Variants in SBF1 observed in about 807,000 individuals in gnomAD.
SBF1 encodes SET binding factor 1, also known as myotubularin-related protein 5.
SBF1 carries 65 observed loss-of-function variants against 215.8 expected under a neutral mutation model. The ratio of observed to expected loss-of-function variants is 0.30; its 90% CI spans 0.25 to 0.37. The LOEUF is 0.37. Among genes scored for constraint, SBF1 ranks in the 10% least tolerant of loss-of-function variants. The pLI, the probability that SBF1 is intolerant of heterozygous loss-of-function variation, is 1.00. For missense variants in SBF1, 2,634 were observed against 2,667.8 expected (o/e 0.99, Z 0.28); for synonymous variants, 1,410 against 1,122.8 (o/e 1.26, Z -5.11).
intron 36 of SBF1, among the ~76,000 whole-genome samples, chr22:50,452,387 T>C (rs1307054662): frequency 6.6e-6 from 1 of 152,164 alleles, no homozygotes; most frequent in Admixed American, 6.6e-5. Flanking sequence ...GACTTTTTCC[T>C]TCTTTCTTAA....
Position 50,460,289 on chromosome 22 carries a change from T to C in SBF1, c.3266A>G (p.Gln1089Arg), listed in dbSNP as rs2067449286. ...CCCTCCACCTGAGATCTCGTCCTCC[T>C]GGTCCTCAGGGGGCGGCTGGCCCCG... The part of the protein sequence containing the change: ...EHRGQPPPED[Q>R]EDEISVSEEL... Residue 1089 changes from glutamine to arginine, a missense_variant, in exon 25 of 41, where the codon CAG becomes CGG. By Grantham distance (43) the Gln-to-Arg change is conservative. Coordinates refer to ENST00000380817, the MANE Select transcript of SBF1 (RefSeq NM_002972.4). The C allele has an allele frequency of 6.2e-7, 1 of 1,608,480 alleles. No homozygotes were observed. Among genetic ancestry groups the C allele is most frequent in the Non-Finnish European group, 8.5e-7 (1 of 1,176,302 alleles).
intron 31 of SBF1, 78 bp from the exon 32 acceptor site, chr22:50,455,660 A>G (rs921590754): frequency 1.1e-5 from 13 of 1,217,438 alleles, no homozygotes; most frequent in Non-Finnish European, 1.5e-5. Context: ...AGAGACCCGC[A>G]TGTCCACAGG....
Position 50,456,265 on chromosome 22 carries a change from C to G in SBF1, c.4217G>C (p.Ser1406Thr). ...CAGTGAGCGCAGGAAGGAGGCTGGG[C>G]TGGGCTCAGCAGCGGGGCAGCCTGG... ...CVPGCPAAEP[S>T]PASFLRSLED... Residue 1406 changes from serine to threonine, a missense_variant, in exon 31 of 41, where the codon AGC becomes ACC. Transcript: ENST00000380817. 1 of 1,612,706 alleles carries G rather than the reference C, an allele frequency of 6.2e-7. No individual in the cohort carries two copies. Among genetic ancestry groups the G allele is most frequent in the Non-Finnish European group, 8.5e-7 (1 of 1,179,944 alleles).
chr22:50,459,414 A>AGGGAG, intron 27 of SBF1, 22 bp from the exon 28 acceptor site: 1 of 1,611,640 alleles, frequency 6.2e-7, no homozygotes, highest in Non-Finnish European at 8.5e-7. Context: ...CACGGAGCTG[A>AGGGAG]GGGAGGGGAG....
In SBF1 at chr22:50,461,145, G is replaced by A. The variant is rs1279436630; in HGVS notation, c.2967+14C>T. 6.3e-6 allele frequency: 10 copies of A among 1,584,368 alleles called. No individual in the cohort carries two copies. The highest frequency in any genetic ancestry group is 1.8e-5 in the Admixed American group (1 of 56,172). ...GGCGGGGGATGAGAGCCCCACCCGC[G>A]CACCGCGCCCCACCTGGAATGTGCA... On this transcript the variant is annotated intron_variant, in intron 23 of 40. Coordinates refer to ENST00000380817, the MANE Select transcript of SBF1 (RefSeq NM_002972.4).
At chr22:50,454,466 G>A (rs768275477) in intron 36 of SBF1, 46 bp downstream of exon 36, 1 of 1,518,962 alleles carries the variant, frequency 6.6e-7, no homozygotes, top group African/African-American at 1.4e-5. Context: ...GTCTGAGCGA[G>A]AGGAGGGGGG....
At chr22:50,474,330 A>G (rs2068097030) in intron 1 of SBF1, among the ~76,000 whole-genome samples, 1 of 152,230 alleles carries the variant, frequency 6.6e-6, no homozygotes, top group Admixed American at 6.5e-5. Flanking sequence ...CAGACGGAGC[A>G]CCAAGGTCAG....
rs1460192111 is a variant in SBF1, at chr22:50,465,795, G to A, written c.1057C>T (p.Pro353Ser). 1 of 1,610,856 alleles carries A rather than the reference G, an allele frequency of 6.2e-7. No homozygotes were observed. Among genetic ancestry groups the A allele is most frequent in the Non-Finnish European group, 8.5e-7 (1 of 1,179,136 alleles). ...TTCAGGGAGGAGGTGGATGTCGTGG[G>A]CGGAGGGAAGGCGAGGTCAGCCAAC... ...LELADLAFPP[P>S]TTSTSSLKMQ... The change falls in exon 10 of 41, where the codon CCC becomes TCC. Residue 353 changes from proline (P) to serine (S), a missense_variant. Pro to Ser is a moderately conservative substitution (Grantham distance 74). Transcript: ENST00000380817.
At chr22:50,458,181 T>A (rs968082378) in intron 28 of SBF1, among the ~76,000 whole-genome samples, 1 of 151,938 alleles carries the variant, frequency 6.6e-6, no homozygotes, top group African/African-American at 2.4e-5. Flanking sequence ...GGCGGGCACC[T>A]GTAGTCCCAG....
intron 36 of SBF1, among the ~76,000 whole-genome samples, chr22:50,452,572 A>T (rs2067086320): frequency 6.6e-6 from 1 of 151,822 alleles, no homozygotes; most frequent in Non-Finnish European, 1.5e-5. Context: ...TACAAAAAAA[A>T]TTTAGCCGGG....
intron 10 of SBF1, 115 bp downstream of exon 10, chr22:50,465,648 C>T: frequency 6.2e-6 from 6 of 967,608 alleles, no homozygotes; most frequent in Non-Finnish European, 9.2e-6. Context: ...CCTGCTTCTG[C>T]TACTGGAGCC....
intron 1 of SBF1, among the ~76,000 whole-genome samples, chr22:50,472,883 C>T (rs992778544): frequency 6.6e-6 from 1 of 152,214 alleles, no homozygotes; most frequent in Admixed American, 6.5e-5. Flanking sequence ...CTGACCAGCT[C>T]AACCCCAGAA....
At chr22:50,456,883 C>A in intron 29 of SBF1, 151 bp downstream of exon 29, 1 of 737,884 alleles carries the variant, frequency 1.4e-6, no homozygotes, top group Non-Finnish European at 2.1e-6. Context: ...GCAGGACTCA[C>A]GGGTCAGGGA....
chr22:50,474,676 C>A (rs1296378170), intron 1 of SBF1, 110 bp downstream of exon 1: 5 of 896,948 alleles, frequency 5.6e-6, no homozygotes, highest in Non-Finnish European at 6.3e-6. Context: ...CCCGACCCAG[C>A]CCCCAGCCCT....
chr22:50,471,963 G>A (rs901783753), intron 1 of SBF1, among the ~76,000 whole-genome samples: 3 of 152,236 alleles, frequency 2.0e-5, no homozygotes, highest in Non-Finnish European at 4.4e-5. Flanking sequence ...ACACTCAGCT[G>A]CTGGAGATGG....
Position 50,474,823 on chromosome 22 carries a change from G to C in SBF1, c.18C>G (p.Asp6Glu). 1 of 1,426,096 alleles carries C rather than the reference G, an allele frequency of 7.0e-7. No individual in the cohort carries two copies. 88.3% of individuals were successfully genotyped at this position (1,426,096 alleles called of 1,614,324 possible). Reference sequence around the variant, plus strand: ...GCCCGAACGCCACCAGCACGAAGTAGTCCGCGAGCCGCGCCATGGCGAGGG... The same window carrying C: ...GCCCGAACGCCACCAGCACGAAGTACTCCGCGAGCCGCGCCATGGCGAGGG... MARLA[D>E]YFVLVAFGPH... is the part of the protein sequence containing the mutation. Residue 6 changes from aspartate to glutamate, a missense_variant, in exon 1 of 41, where the codon GAC becomes GAG. Coordinates refer to ENST00000380817, the MANE Select transcript of SBF1 (RefSeq NM_002972.4).
In SBF1 at chr22:50,454,464, G is replaced by A. The variant is rs746970634; in HGVS notation, c.5043+48C>T. On this transcript the variant is annotated intron_variant, in intron 36 of 40. Coordinates refer to ENST00000380817, the MANE Select transcript of SBF1 (RefSeq NM_002972.4). ...ACACGCACGACCCTGGTGTCTGAGC[G>A]AGAGGAGGGGGGTGCCAGGCCAGAC... 18 of 1,502,862 alleles carry A rather than the reference G, an allele frequency of 1.2e-5. No individual in the cohort carries two copies. The Admixed American group carries it at 1.7e-4, about 14-fold the overall frequency. 93.1% of individuals were successfully genotyped at this position (1,502,862 alleles called of 1,614,324 possible). A position where few individuals can be genotyped will look rare whatever the true frequency, so the allele number is the denominator to read the frequency against.
Position 50,461,509 on chromosome 22 carries a change from GTC to G in SBF1, c.2839+12_2839+13del. On this transcript the variant is annotated intron_variant, in intron 22 of 40. Transcript: ENST00000380817. ...GGAGAGGGGGCGACAGGGCCAGAGA[GTC>G]TGCAGGCTCACCCAGGGGGTCCGTG... The G allele has an allele frequency of 6.3e-7, 1 of 1,586,704 alleles. No individual in the cohort carries two copies. Among genetic ancestry groups the G allele is most frequent in the Admixed American group, 1.7e-5 (1 of 59,020 alleles).
At chr22:50,473,739 C>A (rs1036799405) in intron 1 of SBF1, among the ~76,000 whole-genome samples, 3 of 152,198 alleles carry the variant, frequency 2.0e-5, no homozygotes, top group Non-Finnish European at 4.4e-5. Flanking sequence ...CTCAATCCCA[C>A]CTCCAGGCTC....
Sources: gnomAD v4.1 joint callset for allele counts (sites outside exome capture counted in the v4.1 genomes callset) on GRCh38, gnomAD v4.1.1 for gene constraint, MANE v1.5 for transcripts, NCBI Gene and HGNC (gene_info 2026-07-23, HGNC 2026-07-21) for gene names.